NCKAP5: variants seen among roughly 807,000 people sequenced by gnomAD.
NCKAP5 encodes nck-associated protein 5.
A neutral mutation model predicts 167.0 loss-of-function variants in NCKAP5; 92 were observed. The observed-to-expected ratio is 0.55, with a 90% CI of 0.47 to 0.66. The LOEUF is 0.66. Among genes scored for constraint, NCKAP5 ranks in the 30% least tolerant of loss-of-function variants. NCKAP5 has a pLI of 0.00. For missense variants in NCKAP5, 2,378 were observed against 2,315.0 expected, an observed-to-expected ratio of 1.03 and a Z score of -0.56; for synonymous variants, 891 against 877.4, an observed-to-expected ratio of 1.02 and a Z score of -0.27.
intron 2 of NCKAP5, chr2:133,554,476 A>G (rs1687596905): frequency 6.6e-6 from 1 of 152,172 alleles, no homozygotes; most frequent in South Asian, 2.1e-4. Flanking sequence ...TACACATGTC[A>G]ATTTGGCTCT....
At chr2:132,814,311 T>C (rs1686104032) in intron 11 of NCKAP5, among the ~76,000 whole-genome samples, 1 of 152,214 alleles carries the variant, frequency 6.6e-6, no homozygotes, top group African/African-American at 2.4e-5. Context: ...CTCATGGTAT[T>C]ATAAACAAGC....
chr2:133,281,438 G>C (rs200638583), intron 4 of NCKAP5, among the ~76,000 whole-genome samples: 2 of 152,048 alleles, frequency 1.3e-5, no homozygotes, highest in East Asian at 3.9e-4. Flanking sequence ...AAATTACAAA[G>C]TCACTATTTG....
At chr2:133,436,827 C>A (rs546779928) in intron 3 of NCKAP5, among the ~76,000 whole-genome samples, 1 of 152,110 alleles carries the variant, frequency 6.6e-6, no homozygotes, top group Admixed American at 6.6e-5. Context: ...CTGGATGCCC[C>A]GTTGCCTATG....
At chr2:132,909,890 T>G (rs1357058332) in intron 8 of NCKAP5, among the ~76,000 whole-genome samples, 1 of 152,216 alleles carries the variant, frequency 6.6e-6, no homozygotes, top group Non-Finnish European at 1.5e-5. Context: ...AAGTCCTTAC[T>G]CTATGTGATA....
intron 3 of NCKAP5, among the ~76,000 whole-genome samples, chr2:133,318,047 A>G (rs967116942): frequency 6.6e-6 from 1 of 152,236 alleles, no homozygotes; most frequent in Non-Finnish European, 1.5e-5. Context: ...AAACAGTGGG[A>G]AAACAGGAAC....
At chr2:133,419,181 C>A (rs1689311847) in intron 3 of NCKAP5, among the ~76,000 whole-genome samples, 1 of 152,166 alleles carries the variant, frequency 6.6e-6, no homozygotes, top group Non-Finnish European at 1.5e-5. Context: ...CTAGAATGTT[C>A]AAGGTAAAAA....
intron 15 of NCKAP5, among the ~76,000 whole-genome samples, chr2:132,779,859 T>A (rs1344060570): frequency 6.6e-6 from 1 of 152,016 alleles, no homozygotes; most frequent in Non-Finnish European, 1.5e-5. Flanking sequence ...CCCCAGAAAA[T>A]AATGCAGGGA....
intron 3 of NCKAP5, among the ~76,000 whole-genome samples, chr2:133,387,758 C>T (rs1011090762): frequency 6.6e-5 from 10 of 152,092 alleles, no homozygotes; most frequent in Non-Finnish European, 1.2e-4. Flanking sequence ...ATTCTTTTTT[C>T]TCGAAATTTC....
chr2:132,771,137 GA>G (rs1364335830), intron 16 of NCKAP5, among the ~76,000 whole-genome samples: 2 of 152,086 alleles, frequency 1.3e-5, no homozygotes, highest in African/African-American at 2.4e-5. Flanking sequence ...GAGGTATCCA[GA>G]AGAAGACACT....
intron 2 of NCKAP5, among the ~76,000 whole-genome samples, chr2:133,531,170 GAGGAAGGA>G (rs1218378466): frequency 3.5e-4 from 53 of 151,930 alleles, no homozygotes; most frequent in Admixed American, 6.6e-5. Flanking sequence ...GAAAGGGAAT[GAGGAAGGA>G]AGGAAGGAAA....
intron 6 of NCKAP5, among the ~76,000 whole-genome samples, chr2:133,094,176 T>C (rs1467504040): frequency 2.0e-5 from 3 of 152,114 alleles, no homozygotes; most frequent in Non-Finnish European, 4.4e-5. Context: ...CGCCGGATAA[T>C]ACCATGAAGA....
Position 133,129,980 on chromosome 2 carries a change from G to A in NCKAP5, c.339C>T (p.Ser113=). The A allele has an allele frequency of 6.2e-7, 1 of 1,604,892 alleles. No individual in the cohort carries two copies. The highest frequency in any genetic ancestry group is 8.5e-7 in the Non-Finnish European group (1 of 1,176,986). Residue 113 remains serine, a splice_region_variant and synonymous_variant, in exon 6 of 20, where the codon TCC becomes TCT. Transcript: ENST00000409261. ...IQMRSLQQQF[S]RMEETVRNLL... ...ATCTGCTCAGCTAAGAACAATACCT[G>A]GAGAACTGCTGCTGCAAGCTACGCA...
intron 3 of NCKAP5, among the ~76,000 whole-genome samples, chr2:133,481,422 T>G (rs904946256): frequency 6.6e-6 from 1 of 152,216 alleles, no homozygotes; most frequent in African/African-American, 2.4e-5. Context: ...AGGGTGTCCA[T>G]CTCCCAAGCA....
At chr2:133,510,429 C>T (rs527695032) in intron 3 of NCKAP5, among the ~76,000 whole-genome samples, 8 of 152,310 alleles carry the variant, frequency 5.3e-5, no homozygotes, top group Admixed American at 2.0e-4. Flanking sequence ...TATTATAAAT[C>T]GCAATCTCTT....
intron 3 of NCKAP5, among the ~76,000 whole-genome samples, chr2:133,393,893 A>G (rs926280506): frequency 1.3e-5 from 2 of 152,222 alleles, no homozygotes; most frequent in African/African-American, 4.8e-5. Flanking sequence ...AAGCAAGCCA[A>G]TATTGGAGCT....
chr2:133,249,564 T>C (rs753360885), intron 4 of NCKAP5, among the ~76,000 whole-genome samples: 2 of 152,200 alleles, frequency 1.3e-5, no homozygotes, highest in Non-Finnish European at 2.9e-5. Context: ...TCTCTGATTG[T>C]TCTAGGTACA....
chr2:132,755,860 T>G, intron 16 of NCKAP5, among the ~76,000 whole-genome samples: 1 of 147,850 alleles, frequency 6.8e-6, no homozygotes, highest in Non-Finnish European at 1.5e-5. Flanking sequence ...GGCAAAATAA[T>G]AATAATAATA....
chr2:133,136,895 C>T (rs1001515613), intron 5 of NCKAP5, among the ~76,000 whole-genome samples: 1 of 152,182 alleles, frequency 6.6e-6, no homozygotes, highest in Admixed American at 6.5e-5. Context: ...AAGAATTACA[C>T]GGAGACCCAG....
intron 4 of NCKAP5, among the ~76,000 whole-genome samples, chr2:133,234,762 T>C (rs758719323): frequency 3.9e-5 from 6 of 151,954 alleles, no homozygotes; most frequent in Non-Finnish European, 7.4e-5. Flanking sequence ...AATTTTACTT[T>C]TAAAATAGTT....
Sources: allele counts gnomAD v4.1 joint callset (sites outside exome capture counted in the v4.1 genomes callset), GRCh38; gene constraint gnomAD v4.1.1; transcripts MANE v1.5; gene names NCBI Gene and HGNC (gene_info 2026-07-23, HGNC 2026-07-21).